Variants in IAPP observed in about 807,000 individuals in gnomAD.
IAPP encodes the protein Islet amyloid polypeptide (diabetes-associated peptide; amylin).
Under a neutral mutation model 2.9 loss-of-function variants are expected in IAPP, and 4 were observed. The ratio of observed to expected loss-of-function variants is 1.39; its 90% CI spans 0.69 to 3.19. IAPP has a LOEUF of 3.19. IAPP is among the 30% of genes most tolerant of loss of function. The pLI, the probability that IAPP is intolerant of heterozygous loss-of-function variation, is 0.01. For missense variants in IAPP, 114 were observed against 105.3 expected (o/e 1.08, Z -0.36); for synonymous variants, 40 against 42.1 (o/e 0.95, Z 0.19).
intron 1 of IAPP, among the ~76,000 whole-genome samples, chr12:21,361,261 C>A (rs969377303): frequency 6.6e-6 from 1 of 152,206 alleles, no homozygotes; most frequent in African/African-American, 2.4e-5. Context: ...GCTGGTGATA[C>A]CCAGGCAAAC....
chr12:21,371,054 G>A (rs1182838199), upstream of IAPP, among the ~76,000 whole-genome samples: 1 of 152,216 alleles, frequency 6.6e-6, no homozygotes, highest in African/African-American at 2.4e-5. Flanking sequence ...GCAGCTTACG[G>A]CGGTTTTGCA....
intron 1 of IAPP, among the ~76,000 whole-genome samples, chr12:21,361,641 T>C (rs1938895446): frequency 6.6e-6 from 1 of 151,976 alleles, no homozygotes; most frequent in African/African-American, 2.4e-5. Flanking sequence ...GCTAAAAACC[T>C]TGAAAAAAGA....
upstream of IAPP, among the ~76,000 whole-genome samples, chr12:21,372,254 CTCTA>C (rs1235530707): frequency 2.0e-5 from 3 of 152,120 alleles, no homozygotes; most frequent in Non-Finnish European, 2.9e-5. Flanking sequence ...ACCTATGGAT[CTCTA>C]TCTAAGTGCT....
At chr12:21,360,797 G>T (rs1216534239) in intron 1 of IAPP, among the ~76,000 whole-genome samples, 1 of 152,222 alleles carries the variant, frequency 6.6e-6, no homozygotes, top group African/African-American at 2.4e-5. Flanking sequence ...TGCTAGCACA[G>T]CAGTCTGAGA....
At chr12:21,372,661 T>A (rs1939882763), upstream of IAPP, among the ~76,000 whole-genome samples, 1 of 152,246 alleles carries the variant, frequency 6.6e-6, no homozygotes, top group African/African-American at 2.4e-5. Flanking sequence ...CTTACAAAGA[T>A]GGCAAATTCA....
At chr12:21,359,368 C>T (rs558547428) in intron 1 of IAPP, among the ~76,000 whole-genome samples, 2 of 152,090 alleles carry the variant, frequency 1.3e-5, no homozygotes, top group African/African-American at 4.8e-5. Flanking sequence ...TCTTCCTCAA[C>T]TTGACTATTC....
At chr12:21,364,296 C>G (rs925210492) in intron 1 of IAPP, among the ~76,000 whole-genome samples, 34 of 152,240 alleles carry the variant, frequency 2.2e-4, no homozygotes, top group Admixed American at 2.1e-3. Context: ...AAGACAAAAA[C>G]CACATGATTA....
At chr12:21,377,013 C>T (rs2058754643) in intron 2 of IAPP, among the ~76,000 whole-genome samples, 1 of 151,550 alleles carries the variant, frequency 6.6e-6, no homozygotes, top group African/African-American at 2.4e-5. Context: ...AAAAGGCTGT[C>T]AAAAAAATAG....
rs746773690 is a variant in IAPP, at chr12:21,373,335, A to T, written c.-15-2A>T. Reference sequence around the variant, plus strand: ...ATTTCAGTGCTGGATTATTCTTTGCAGAAAATTTGAGAAGCAATGGGCATC... The same window carrying T: ...ATTTCAGTGCTGGATTATTCTTTGCTGAAAATTTGAGAAGCAATGGGCATC... On this transcript the variant is annotated splice_acceptor_variant, in intron 1 of 2. Coordinates refer to ENST00000240652, the MANE Select transcript of IAPP (RefSeq NM_000415.3). LOFTEE classifies it low-confidence loss of function (5UTR_SPLICE). The T allele has an allele frequency of 6.3e-7, 1 of 1,578,738 alleles. No individual in the cohort carries two copies. Among genetic ancestry groups the T allele is most frequent in the Admixed American group, 1.7e-5 (1 of 59,952 alleles).
upstream of IAPP, among the ~76,000 whole-genome samples, chr12:21,368,447 C>A (rs1939547372): frequency 6.7e-6 from 1 of 149,090 alleles, no homozygotes; most frequent in Non-Finnish European, 1.5e-5. Flanking sequence ...TTGTTTAGAT[C>A]CTGAATCCAA....
chr12:21,372,685 T>C (rs569805051), upstream of IAPP, among the ~76,000 whole-genome samples: 8 of 152,360 alleles, frequency 5.3e-5, no homozygotes, highest in African/African-American at 1.9e-4. Flanking sequence ...TTCTGCTGTG[T>C]ATGACACACC....
chr12:21,374,669 T>A (rs142590712), intron 2 of IAPP: 13 of 152,322 alleles, frequency 8.5e-5, no homozygotes, highest in African/African-American at 2.4e-4. Context: ...TGACATGAAG[T>A]TTCTGATAAG....
At chr12:21,356,892 T>C (rs1421439250) in intron 1 of IAPP, among the ~76,000 whole-genome samples, 2 of 152,142 alleles carry the variant, frequency 1.3e-5, no homozygotes, top group Non-Finnish European at 2.9e-5. Flanking sequence ...ACAGAAAATA[T>C]GCCTTTTCCA....
chr12:21,367,036 C>T (rs998781405), intron 1 of IAPP, among the ~76,000 whole-genome samples: 3 of 152,150 alleles, frequency 2.0e-5, no homozygotes, highest in Admixed American at 6.5e-5. Flanking sequence ...AAAAGATCCA[C>T]ACCAAAGCAT....
Position 21,359,746 on chromosome 12 carries a change from TA to T in IAPP, c.-16+4749del, listed in dbSNP as rs35529364. 3.8e-3 allele frequency among the ~76,000 whole-genome samples: 538 copies of T among 140,054 alleles called. 5 individuals carry two copies. The highest frequency in any genetic ancestry group is 7.5e-3 in the Middle Eastern group (2 of 268). 91.9% of individuals were successfully genotyped at this position (140,054 alleles called of 152,430 possible). A position where few individuals can be genotyped will look rare whatever the true frequency, so the allele number is the denominator to read the frequency against. On this transcript the variant is annotated intron_variant, in intron 1 of 2. Transcript: ENST00000539393. ...TGGGCGACAGAGCGAGACTCCGTCT[TA>T]AAAAAAAAAAAAAAATCAATGGACT... is the stretch of plus-strand genomic sequence containing the variant.
upstream of IAPP, among the ~76,000 whole-genome samples, chr12:21,369,865 T>A (rs1390876742): frequency 6.6e-6 from 1 of 152,198 alleles, no homozygotes; most frequent in African/African-American, 2.4e-5. Flanking sequence ...CTTGTAAAGA[T>A]AATCTAAATA....
chr12:21,355,957 A>G (rs1434495312), intron 1 of IAPP, among the ~76,000 whole-genome samples: 7 of 152,190 alleles, frequency 4.6e-5, no homozygotes. Context: ...TTGAATGAGT[A>G]ACAGCATATC....
chr12:21,370,991 T>A (rs1342374922), upstream of IAPP, among the ~76,000 whole-genome samples: 1 of 152,222 alleles, frequency 6.6e-6, no homozygotes, highest in Non-Finnish European at 1.5e-5. Flanking sequence ...CTCTGGCATT[T>A]ATAACTCTGT....
chr12:21,358,921 G>A (rs927894688), intron 1 of IAPP, among the ~76,000 whole-genome samples: 1 of 152,120 alleles, frequency 6.6e-6, no homozygotes, highest in African/African-American at 2.4e-5. Context: ...AAGAACACAT[G>A]AGAGAGGAAA....
Sources: gnomAD v4.1 joint callset for allele counts (sites outside exome capture counted in the v4.1 genomes callset) on GRCh38, gnomAD v4.1.1 for gene constraint, MANE v1.5 for transcripts, NCBI Gene and HGNC (gene_info 2026-07-23, HGNC 2026-07-21) for gene names.